Variants in SORCS3 observed in about 807,000 individuals in gnomAD.
SORCS3 encodes the protein VPS10 domain-containing receptor SorCS3.
A neutral mutation model predicts 146.3 loss-of-function variants in SORCS3; 57 were observed. The ratio of observed to expected loss-of-function variants is 0.39; its 90% CI spans 0.31 to 0.49. The LOEUF is 0.49. Among genes scored for constraint, SORCS3 ranks in the 20% least tolerant of loss-of-function variants. The pLI is 0.92. For missense variants in SORCS3, 1,341 were observed against 1,575.5 expected (o/e 0.85, Z 2.52); for synonymous variants, 653 against 618.5 (o/e 1.06, Z -0.83).
In SORCS3 at chr10:104,641,383, G is replaced by T. The variant is rs1182639205; in HGVS notation, c.56G>T (p.Arg19Leu). The change falls in exon 1 of 27, where the codon CGG (arginine) becomes CTG (leucine). Residue 19 changes from arginine to leucine, a missense_variant. By Grantham distance (102) the Arg-to-Leu change is moderately radical. Coordinates refer to ENST00000369701, the MANE Select transcript of SORCS3 (RefSeq NM_014978.3). The surrounding 1 kb of genome is among the most constrained non-coding windows in gnomAD (Gnocchi z 6.4). ...GGCAGGCCGGGGGCGCCGCTTGTCCGGACGGGGCTCCTACTCTTGTCGACG... is the reference window on the plus strand; with the variant it reads ...GGCAGGCCGGGGGCGCCGCTTGTCCTGACGGGGCTCCTACTCTTGTCGACG... ...PAGRPGAPLV[R>L]TGLLLLSTWV... 9.0e-6 allele frequency: 13 copies of T among 1,437,212 alleles called. No homozygotes were observed. In the East Asian group the frequency reaches 3.4e-4, roughly 37 times the overall value. 89.0% of individuals were successfully genotyped at this position (1,437,212 alleles called of 1,614,324 possible).
intron 1 of SORCS3, among the ~76,000 whole-genome samples, chr10:104,755,769 T>G (rs1012861358): frequency 1.3e-5 from 2 of 152,210 alleles, no homozygotes; most frequent in African/African-American, 4.8e-5. Context: ...AATATGAGTT[T>G]CATTTGATGA....
intron 7 of SORCS3, among the ~76,000 whole-genome samples, chr10:105,126,362 T>G (rs987247979): frequency 2.0e-5 from 3 of 152,110 alleles, no homozygotes; most frequent in African/African-American, 7.2e-5. Context: ...TTTTCTTCCT[T>G]CAAGTTCCCT....
intron 2 of SORCS3, among the ~76,000 whole-genome samples, chr10:104,897,074 G>A (rs2018805592): frequency 6.6e-6 from 1 of 152,100 alleles, no homozygotes; most frequent in African/African-American, 2.4e-5. Flanking sequence ...CTCATTAGGG[G>A]CAGGTCAGTT....
At chr10:105,009,747 T>C (rs960240311) in intron 4 of SORCS3, among the ~76,000 whole-genome samples, 2 of 152,110 alleles carry the variant, frequency 1.3e-5, no homozygotes, top group African/African-American at 4.8e-5. Flanking sequence ...TCACTTTTTT[T>C]TTCATTTTTT....
chr10:104,769,293 G>T (rs1164885419), intron 1 of SORCS3, among the ~76,000 whole-genome samples: 1 of 152,218 alleles, frequency 6.6e-6, no homozygotes, highest in Non-Finnish European at 1.5e-5. Flanking sequence ...AAAAGCCAGG[G>T]TGAGGCCACT....
rs59557629 is a variant in SORCS3, at chr10:104,969,303, TTGTGTGTGTG to T, written c.796-8003_796-7994del. ...TTCTCAGAGATGCTTTCAAAAAGGA[TTGTGTGTGTG>T]TGTGTGTGTGTGTGTGTGTGTGTGT... On this transcript the variant is annotated intron_variant, in intron 3 of 26. Coordinates refer to ENST00000369701, the MANE Select transcript of SORCS3 (RefSeq NM_014978.3). 1.1e-3 allele frequency among the ~76,000 whole-genome samples: 151 copies of T among 140,660 alleles called. No homozygotes were observed. In the South Asian group the frequency reaches 0.011, roughly 11 times the overall value. The allele number at this position is 140,660 out of a possible 152,430, so 92.3% of individuals were successfully genotyped here.
intron 2 of SORCS3, among the ~76,000 whole-genome samples, chr10:104,851,240 C>CT (rs1185475580): frequency 6.6e-6 from 1 of 152,072 alleles, no homozygotes; most frequent in African/African-American, 2.4e-5. Context: ...TTTTATGCCT[C>CT]TTTTTTCTTC....
chr10:104,879,679 T>C (rs1284086970), intron 2 of SORCS3, among the ~76,000 whole-genome samples: 2 of 152,164 alleles, frequency 1.3e-5, no homozygotes, highest in African/African-American at 4.8e-5. Context: ...ATGCCTCCCC[T>C]AGTTGGAGAG....
At chr10:104,919,998 C>T (rs1222343340) in intron 3 of SORCS3, among the ~76,000 whole-genome samples, 7 of 152,280 alleles carry the variant, frequency 4.6e-5, no homozygotes, top group Non-Finnish European at 1.0e-4. Flanking sequence ...AACACAACTT[C>T]GTTTTTAAGT....
intron 13 of SORCS3, among the ~76,000 whole-genome samples, chr10:105,172,073 A>G (rs2056364900): frequency 6.6e-6 from 1 of 152,108 alleles, no homozygotes; most frequent in Admixed American, 6.5e-5. Context: ...AGCAATAGTA[A>G]ATCTACTTGT....
At chr10:104,864,871 T>C (rs1473754807) in intron 2 of SORCS3, among the ~76,000 whole-genome samples, 1 of 152,164 alleles carries the variant, frequency 6.6e-6, no homozygotes, top group African/African-American at 2.4e-5. Context: ...ATATTCTCAT[T>C]CTTCTCCCTA....
intron 4 of SORCS3, among the ~76,000 whole-genome samples, chr10:105,028,420 G>A (rs762158559): frequency 6.6e-6 from 1 of 152,182 alleles, no homozygotes; most frequent in Non-Finnish European, 1.5e-5. Flanking sequence ...CTCCAGTCTT[G>A]CCATGTCTTT....
chr10:104,710,990 A>G (rs2016408984), intron 1 of SORCS3, among the ~76,000 whole-genome samples: 1 of 152,192 alleles, frequency 6.6e-6, no homozygotes, highest in Non-Finnish European at 1.5e-5. Context: ...CATTGCAAAT[A>G]TTTATCAATT....
At chr10:105,247,952 G>C (rs2056877003) in intron 22 of SORCS3, among the ~76,000 whole-genome samples, 1 of 152,156 alleles carries the variant, frequency 6.6e-6, no homozygotes, top group African/African-American at 2.4e-5. Flanking sequence ...TTATGCACTT[G>C]TCTGGCTCTT....
At chr10:104,806,443 T>A (rs969705248) in intron 1 of SORCS3, among the ~76,000 whole-genome samples, 1 of 152,212 alleles carries the variant, frequency 6.6e-6, no homozygotes, top group Non-Finnish European at 1.5e-5. Flanking sequence ...GGTAGTGGCA[T>A]TGTAAATCAA....
At chr10:105,226,048 T>C (rs1176971344) in intron 20 of SORCS3, among the ~76,000 whole-genome samples, 1 of 151,950 alleles carries the variant, frequency 6.6e-6, no homozygotes, top group African/African-American at 2.4e-5. Context: ...GCTTTTATTT[T>C]TTTTTCTCTT....
At chr10:104,702,451 CAAATTTTT>C (rs2016290637) in intron 1 of SORCS3, among the ~76,000 whole-genome samples, 1 of 152,104 alleles carries the variant, frequency 6.6e-6, no homozygotes, top group Admixed American at 6.5e-5. Flanking sequence ...CCATGCCTGG[CAAATTTTT>C]ATGTTTTCAG....
At chr10:104,675,483 T>C (rs2015902559) in intron 1 of SORCS3, among the ~76,000 whole-genome samples, 1 of 152,230 alleles carries the variant, frequency 6.6e-6, no homozygotes, top group African/African-American at 2.4e-5. Flanking sequence ...TAGTCTCCTA[T>C]GTTTTATTCT....
At chr10:104,884,085 G>A (rs539709262) in intron 2 of SORCS3, among the ~76,000 whole-genome samples, 1 of 152,180 alleles carries the variant, frequency 6.6e-6, no homozygotes, top group Non-Finnish European at 1.5e-5. Flanking sequence ...CAATGCCTAT[G>A]GTCAACAGAA....
Sources: allele counts gnomAD v4.1 joint callset (sites outside exome capture counted in the v4.1 genomes callset), GRCh38; gene constraint gnomAD v4.1.1; non-coding constraint Gnocchi (gnomAD v3.1); transcripts MANE v1.5; gene names NCBI Gene and HGNC (gene_info 2026-07-23, HGNC 2026-07-21).